Variants in LRP2 observed in about 807,000 individuals in gnomAD.
LRP2 encodes the protein LDL receptor related protein 2, also known as low-density lipoprotein receptor-related protein 2.
LRP2 carries 172 observed loss-of-function variants against 531.0 expected under a neutral mutation model. The observed-to-expected ratio is 0.32, with a 90% CI of 0.29 to 0.37. The LOEUF (loss-of-function observed/expected upper bound fraction) is 0.37, where lower values mean the gene tolerates loss of function less well. LRP2 is among the 10% of genes least tolerant of loss of function. The pLI is 1.00. For missense variants in LRP2, 5,167 were observed against 5,868.3 expected (o/e 0.88, Z 3.90); for synonymous variants, 1,992 against 2,027.6 (o/e 0.98, Z 0.47).
At chr2:169,353,633 G>C (rs1027068068) in intron 1 of LRP2, among the ~76,000 whole-genome samples, 1 of 152,282 alleles carries the variant, frequency 6.6e-6, no homozygotes, top group East Asian at 1.9e-4. Flanking sequence ...ATGTGGGTAG[G>C]ATTGCCATAT....
chr2:169,242,239 A>AGTTTTT (rs1361463051), intron 24 of LRP2, among the ~76,000 whole-genome samples: 2 of 152,196 alleles, frequency 1.3e-5, no homozygotes, highest in African/African-American at 2.4e-5. Flanking sequence ...CTCACTGATG[A>AGTTTTT]GTTTTTGCAA....
At chr2:169,299,256 A>T (rs548639818) in intron 4 of LRP2, among the ~76,000 whole-genome samples, 1 of 152,234 alleles carries the variant, frequency 6.6e-6, no homozygotes, top group East Asian at 1.9e-4. Context: ...TTGAACTAAC[A>T]TCAAGTTTAG....
chr2:169,243,512 C>T lies in LRP2; in HGVS notation c.3441G>A (p.Glu1147=). ...AATTAAACTGACTAGGTTGGCATGT[C>T]TCTGTCGAATCTAATGTCATCCGAA... ...GSDEKNCNST[E]TCQPSQFNCP... The change falls in exon 23 of 79, where the codon GAG becomes GAA. Residue 1147 remains glutamate, a synonymous_variant. Transcript: ENST00000649046. 1.2e-6 allele frequency: 2 copies of T among 1,614,118 alleles called. No homozygotes were observed. Among genetic ancestry groups the T allele is most frequent in the Non-Finnish European group, 1.7e-6 (2 of 1,179,996 alleles).
At position 169,273,028 on chromosome 2, in the gene LRP2, T is replaced by A. The variant is rs1683460076; in HGVS notation, c.2015A>T (p.Gln672Leu). The A allele has an allele frequency of 6.2e-7, 1 of 1,613,728 alleles. No individual in the cohort carries two copies. The highest frequency in any genetic ancestry group is 1.3e-5 in the African/African-American group (1 of 75,022). The change falls in exon 15 of 79, where the codon CAG becomes CTG. Residue 672 changes from glutamine (Q) to leucine (L), a missense_variant. Gln to Leu is a moderately radical substitution (Grantham distance 113). Transcript: ENST00000649046. ...PCKDNNGGCE[Q>L]VCVLSHRTDN... The stretch of plus-strand genomic sequence containing the variant: ...TGTTCTGTGGCTGAGGACACAGACC[T>A]GCTCACAGCCCCCATTGTTATCTTT...
At chr2:169,197,897 G>T (rs1688059618) in intron 45 of LRP2, among the ~76,000 whole-genome samples, 1 of 152,018 alleles carries the variant, frequency 6.6e-6, no homozygotes, top group Non-Finnish European at 1.5e-5. Context: ...CCTTGGGAGG[G>T]GCCAGTGACA....
rs562981053 is a variant in LRP2 at position 169,225,279 on chromosome 2, G to A, written c.5538+31C>T. ...GAGTTTACATCAATCTAAATCCAAT[G>A]TTTGTGTAAGTAGTATTATGGAATC... On this transcript the variant is annotated intron_variant, in intron 33 of 78. Transcript: ENST00000649046. The A allele has an allele frequency of 8.1e-6, 13 of 1,605,340 alleles. No homozygotes were observed. The South Asian group carries it at 1.1e-4, about 14-fold the overall frequency.
Position 169,237,129 on chromosome 2 carries a change from T to C in LRP2, c.4665A>G (p.Arg1555=). 6.2e-7 allele frequency: 1 copy of C among 1,614,012 alleles called. No homozygotes were observed. The highest frequency in any genetic ancestry group is 8.5e-7 in the Non-Finnish European group (1 of 1,179,912). Reference sequence around the variant, plus strand: ...TCATTCTGGGATCTAATGCTAGTCCTCTTGGATTTGTTAGGTTTTTACTAA... The same window carrying C: ...TCATTCTGGGATCTAATGCTAGTCCCCTTGGATTTGTTAGGTTTTTACTAA... The part of the protein sequence containing the change: ...VLISKNLTNP[R]GLALDPRMNE... The change falls in exon 28 of 79, where the codon AGA becomes AGG. Residue 1555 remains arginine (R), a synonymous_variant. Transcript: ENST00000649046.
At chr2:169,256,944 CTA>C (rs2105407097) in intron 18 of LRP2, among the ~76,000 whole-genome samples, 178 bp downstream of exon 18, 1 of 152,218 alleles carries the variant, frequency 6.6e-6, no homozygotes, top group Admixed American at 6.6e-5. Context: ...AGCTGGCCAA[CTA>C]TGTTTATGTC....
intron 23 of LRP2, 99 bp downstream of exon 23, chr2:169,243,304 A>G: frequency 7.1e-7 from 1 of 1,413,004 alleles, no homozygotes; most frequent in Non-Finnish European, 9.9e-7. Flanking sequence ...ACCCCCCAAC[A>G]GGCCCCGGTG....
Position 169,193,895 on chromosome 2 carries a change from GA to G in LRP2, c.8699-4del. The G allele has an allele frequency of 6.2e-7, 1 of 1,614,110 alleles. No homozygotes were observed. The highest frequency in any genetic ancestry group is 8.5e-7 in the Non-Finnish European group (1 of 1,180,012). Reference sequence around the variant, plus strand: ...TAGGCATGTTCGCTCAGAGTGACCTGAAAAGATCAATAGCATTCTCAGTGAA... The same window carrying G: ...TAGGCATGTTCGCTCAGAGTGACCTGAAAGATCAATAGCATTCTCAGTGAA... On this transcript the variant is annotated splice_polypyrimidine_tract_variant and splice_region_variant and intron_variant, in intron 46 of 78. Coordinates refer to ENST00000649046, the MANE Select transcript of LRP2 (RefSeq NM_004525.3).
chr2:169,154,752 G>C (rs887057433), intron 65 of LRP2, 149 bp from the exon 66 acceptor site: 2 of 733,798 alleles, frequency 2.7e-6, no homozygotes, highest in Non-Finnish European at 4.7e-6. Context: ...CAATAAAGCT[G>C]ACTCTCCAAC....
chr2:169,171,954 A>G (rs1041962100), intron 58 of LRP2, 61 bp downstream of exon 58: 45 of 1,608,058 alleles, frequency 2.8e-5, no homozygotes, highest in Non-Finnish European at 3.7e-5. Flanking sequence ...TGAATTATGG[A>G]CAAAAAGCAA....
intron 49 of LRP2, 104 bp from the exon 50 acceptor site, chr2:169,186,123 A>T: frequency 9.9e-7 from 1 of 1,012,714 alleles, no homozygotes. Context: ...ATTCTTAATG[A>T]ATCATGCTAA....
At chr2:169,276,697 T>C (rs1683563557) in intron 13 of LRP2, among the ~76,000 whole-genome samples, 1 of 152,122 alleles carries the variant, frequency 6.6e-6, no homozygotes, top group Non-Finnish European at 1.5e-5. Context: ...TTGCTTTCAT[T>C]GAGAAAACAA....
chr2:169,168,262 CTTTA>C (rs1197223970), intron 61 of LRP2, among the ~76,000 whole-genome samples: 1 of 151,590 alleles, frequency 6.6e-6, no homozygotes, highest in Non-Finnish European at 1.5e-5. Flanking sequence ...ACAGACCTGC[CTTTA>C]TTTATGCATA....
intron 9 of LRP2, among the ~76,000 whole-genome samples, chr2:169,284,812 C>T (rs1470341382): frequency 6.6e-6 from 1 of 152,144 alleles, no homozygotes; most frequent in Non-Finnish European, 1.5e-5. Flanking sequence ...AAAAAAAGTA[C>T]AGGACATTCT....
chr2:169,152,709 G>T, intron 67 of LRP2, 90 bp downstream of exon 67: 1 of 1,456,902 alleles, frequency 6.9e-7, no homozygotes, highest in Non-Finnish European at 9.6e-7. Context: ...TCATATCCAG[G>T]CCCAGACTCA....
At chr2:169,183,333 G>C (rs147207438) in intron 50 of LRP2, among the ~76,000 whole-genome samples, 1 of 152,290 alleles carries the variant, frequency 6.6e-6, no homozygotes, top group East Asian at 1.9e-4. Flanking sequence ...TAATTCACTT[G>C]GGTAAATGAG....
chr2:169,213,851 T>A lies in LRP2; in HGVS notation c.5846A>T (p.Asp1949Val). ...GRGVIERGNVDGTDRMILVHQ... is the reference protein window; with the variant it reads ...GRGVIERGNVVGTDRMILVHQ... The stretch of plus-strand genomic sequence containing the variant: ...TACCAGGATCATTCGATCTGTTCCA[T>A]CCACGTTTCCTCTTTCAATCTAAAG... The change falls in exon 36 of 79, where the codon GAT becomes GTT. Residue 1949 changes from aspartate to valine, a missense_variant. Physicochemically the swap from Asp to Val is radical, Grantham distance 152. Transcript: ENST00000649046. 6.2e-7 allele frequency: 1 copy of A among 1,613,340 alleles called. No homozygotes were observed. Among genetic ancestry groups the A allele is most frequent in the Non-Finnish European group, 8.5e-7 (1 of 1,179,368 alleles).
Sources: allele counts gnomAD v4.1 joint callset (sites outside exome capture counted in the v4.1 genomes callset), GRCh38; gene constraint gnomAD v4.1.1; transcripts MANE v1.5; gene names NCBI Gene and HGNC (gene_info 2026-07-23, HGNC 2026-07-21).